The following RUVBL1 variants were observed in gnomAD, a reference collection of about 807,000 sequenced individuals.
RUVBL1 encodes the protein RuvB like AAA ATPase 1.
A neutral mutation model predicts 52.4 loss-of-function variants in RUVBL1; 4 were observed. The observed-to-expected ratio is 0.08, with a 90% CI of 0.04 to 0.17. RUVBL1 has a LOEUF of 0.17. RUVBL1 is among the 10% of genes least tolerant of loss of function. The probability of loss-of-function intolerance (pLI) is 1.00; values close to 1 mark genes in which losing one functional copy is unlikely to be tolerated. For missense variants in RUVBL1, 298 were observed against 572.8 expected, an observed-to-expected ratio of 0.52 and a Z score of 4.90; for synonymous variants, 217 against 214.4, an observed-to-expected ratio of 1.01 and a Z score of -0.10.
At chr3:128,152,984 GCCCA>G in intron 1 of RUVBL1, among the ~76,000 whole-genome samples, 1 of 18,940 alleles carries the variant, frequency 5.3e-5, no homozygotes. Flanking sequence ...TCTTCCCCCC[GCCCA>G]CCCCGCCCCC....
rs570865700 is a variant in RUVBL1 at position 128,101,065 on chromosome 3, T to C, written c.604-321A>G. Reference sequence around the variant, plus strand: ...AGGCAGAGGAGCTGCTCAGACTCTTTTGTAGGTGGATGATTTATTGTATGA... The same window carrying C: ...AGGCAGAGGAGCTGCTCAGACTCTTCTGTAGGTGGATGATTTATTGTATGA... On this transcript the variant is annotated intron_variant, in intron 5 of 10. Coordinates refer to ENST00000322623, the MANE Select transcript of RUVBL1 (RefSeq NM_003707.3). 2.6e-4 allele frequency among the ~76,000 whole-genome samples: 40 copies of C among 152,332 alleles called. 1 individual carries two copies. In the South Asian group the frequency reaches 6.2e-3, roughly 24 times the overall value.
exon 1 of RUVBL1, chr3:128,153,643 G>A: frequency 6.3e-7 from 1 of 1,598,580 alleles, no homozygotes; most frequent in Non-Finnish European, 8.5e-7. Flanking sequence ...CCGCGAGCGC[G>A]GCATCACGCT....
At chr3:128,124,409 C>T (rs371317582), upstream of RUVBL1, among the ~76,000 whole-genome samples, 29 of 152,076 alleles carry the variant, frequency 1.9e-4, no homozygotes, top group African/African-American at 6.5e-4. Context: ...ACGCATGCAG[C>T]TACAAACAAG....
downstream of RUVBL1, among the ~76,000 whole-genome samples, chr3:128,079,844 T>C (rs1942423261): frequency 6.6e-6 from 1 of 152,206 alleles, no homozygotes; most frequent in South Asian, 2.1e-4. Flanking sequence ...AAGGAGCTCA[T>C]AGTTAGTCTG....
chr3:128,073,050 A>G (rs1459839580), intron 9 of RUVBL1, among the ~76,000 whole-genome samples: 2 of 152,164 alleles, frequency 1.3e-5, no homozygotes, highest in Non-Finnish European at 1.5e-5. Context: ...GAAGAAACTG[A>G]GGCCCAGGGA....
intron 8 of RUVBL1, among the ~76,000 whole-genome samples, chr3:128,092,786 T>C (rs1215966011): frequency 6.6e-6 from 1 of 152,228 alleles, no homozygotes; most frequent in Admixed American, 6.5e-5. Context: ...GGAAAACAGC[T>C]GGCAGTTCCT....
intron 1 of RUVBL1, among the ~76,000 whole-genome samples, chr3:128,122,743 C>T (rs1247846575): frequency 6.6e-6 from 1 of 152,190 alleles, no homozygotes; most frequent in Non-Finnish European, 1.5e-5. Context: ...CCTTAGAGAA[C>T]AGCAGGCAGA....
At chr3:128,139,477 C>G (rs980613861) in intron 1 of RUVBL1, among the ~76,000 whole-genome samples, 2 of 152,062 alleles carry the variant, frequency 1.3e-5, no homozygotes, top group African/African-American at 2.4e-5. Context: ...CAGAGAGATG[C>G]AAATCAAAAG....
At position 128,067,932 on chromosome 3, in the gene RUVBL1, AT is replaced by A; in HGVS notation, c.940-2713del. The A allele has an allele frequency of 6.9e-7, 1 of 1,454,920 alleles. No homozygotes were observed. The highest frequency in any genetic ancestry group is 9.7e-7 in the Non-Finnish European group (1 of 1,035,394). The allele number at this position is 1,454,920 out of a possible 1,614,324, so 90.1% of individuals were successfully genotyped here. A position where few individuals can be genotyped will look rare whatever the true frequency, so the allele number is the denominator to read the frequency against. ...CTGTTCAGTACCACTTGGAATGCCT[AT>A]TTCCCCTTCAGCCTCCAATTCCAAC... On this transcript the variant is annotated intron_variant, in intron 9 of 9. Coordinates refer to the RUVBL1 transcript ENST00000464873. This position sits in a 1 kb window ranked among gnomAD's most constrained non-coding sequence, Gnocchi z 4.1.
In RUVBL1 at chr3:128,074,842, C is replaced by CAAAAAAAA. The variant is rs386397876; in HGVS notation, c.940-9630_940-9623dup. ...GGGCAACAGGAGCGAAACTCCGTCT[C>CAAAAAAAA]AAAAAAAAAAAAAAAAAAAAAAACT... On this transcript the variant is annotated intron_variant, in intron 9 of 9. Transcript: ENST00000464873. Among the ~76,000 whole-genome samples, 252 of 72,724 alleles carry CAAAAAAAA rather than the reference C, an allele frequency of 3.5e-3. 3 individuals carry two copies. Among genetic ancestry groups the CAAAAAAAA allele is most frequent in the Middle Eastern group, 6.9e-3 (1 of 144 alleles). 47.7% of individuals were successfully genotyped at this position (72,724 alleles called of 152,430 possible). A position where few individuals can be genotyped will look rare whatever the true frequency, so the allele number is the denominator to read the frequency against.
Position 128,087,749 on chromosome 3 carries a change from A to T in RUVBL1, c.1076T>A (p.Met359Lys). The change falls in exon 9 of 11, where the codon ATG becomes AAG. Residue 359 changes from methionine (M) to lysine (K), a missense_variant. Physicochemically the swap from Met to Lys is moderately conservative, Grantham distance 95. Coordinates refer to ENST00000322623, the MANE Select transcript of RUVBL1 (RefSeq NM_003707.3). ...AGTATACAGCATGGTCCGGATTATC[A>T]TCACTCGGTCCAGAAGGTCAAGAGG... ...GIPLDLLDRV[M>K]IIRTMLYTPQ... 1 of 1,614,108 alleles carries T rather than the reference A, an allele frequency of 6.2e-7. No individual in the cohort carries two copies. The highest frequency in any genetic ancestry group is 8.5e-7 in the Non-Finnish European group (1 of 1,179,996).
intron 9 of RUVBL1, chr3:128,071,299 C>G: frequency 6.6e-6 from 1 of 152,502 alleles, no homozygotes; most frequent in South Asian, 2.1e-4. Context: ...CAGTCCTGAG[C>G]AGGGGAGAGG....
intron 1 of RUVBL1, among the ~76,000 whole-genome samples, chr3:128,136,785 C>G (rs1413697772): frequency 6.6e-6 from 1 of 151,854 alleles, no homozygotes; most frequent in Non-Finnish European, 1.5e-5. Flanking sequence ...AAATAGATTT[C>G]AAGACAAAAA....
At chr3:128,066,345 A>T (rs1941977151) in intron 9 of RUVBL1, among the ~76,000 whole-genome samples, 1 of 151,828 alleles carries the variant, frequency 6.6e-6, no homozygotes, top group African/African-American at 2.4e-5. Context: ...TTCCACACAG[A>T]TGTGGATGTA....
intron 1 of RUVBL1, among the ~76,000 whole-genome samples, chr3:128,122,450 C>T (rs1943671733): frequency 6.6e-6 from 1 of 152,260 alleles, no homozygotes; most frequent in African/African-American, 2.4e-5. Context: ...ACAACTAATA[C>T]GTTGGATATG....
rs755989591 is a variant in RUVBL1 at position 128,123,793 on chromosome 3, G to C, written c.-69C>G. ...CTAGGACAGTGCGCCCGGCGCCTGAGTTACCATGCGGCCGTTACTAGGGCA... is the reference window on the plus strand; with the variant it reads ...CTAGGACAGTGCGCCCGGCGCCTGACTTACCATGCGGCCGTTACTAGGGCA... On this transcript the variant is annotated 5_prime_UTR_variant, in exon 1 of 11. Transcript: ENST00000322623. The C allele has an allele frequency of 1.6e-4, 236 of 1,503,534 alleles. No homozygotes were observed. The highest frequency in any genetic ancestry group is 1.8e-4 in the Non-Finnish European group (202 of 1,118,076). 93.1% of individuals were successfully genotyped at this position (1,503,534 alleles called of 1,614,324 possible). A position where few individuals can be genotyped will look rare whatever the true frequency, so the allele number is the denominator to read the frequency against.
intron 8 of RUVBL1, among the ~76,000 whole-genome samples, chr3:128,095,751 T>C (rs145734285): frequency 0.01 from 1,598 of 152,256 alleles, 24 homozygotes; most frequent in African/African-American, 0.036. Context: ...TTTTGTTTTT[T>C]TTTAATTATT....
intron 1 of RUVBL1, among the ~76,000 whole-genome samples, chr3:128,137,201 A>G (rs1943960752): frequency 6.6e-6 from 1 of 152,230 alleles, no homozygotes; most frequent in Non-Finnish European, 1.5e-5. Context: ...AAAGAAAAGA[A>G]GATCAGAGCA....
chr3:128,137,945 A>AT (rs1195484575), intron 1 of RUVBL1, among the ~76,000 whole-genome samples: 1 of 152,218 alleles, frequency 6.6e-6, no homozygotes, highest in Non-Finnish European at 1.5e-5. Context: ...CAAAAGCCAT[A>AT]TGGTCATTTC....
Sources: gnomAD v4.1 joint callset for allele counts (sites outside exome capture counted in the v4.1 genomes callset) on GRCh38, gnomAD v4.1.1 for gene constraint, Gnocchi (gnomAD v3.1) non-coding constraint, MANE v1.5 for transcripts, NCBI Gene and HGNC (gene_info 2026-07-23, HGNC 2026-07-21) for gene names.